The following BMI1 variants were observed in gnomAD, a reference collection of about 807,000 sequenced individuals.
BMI1 encodes the protein polycomb complex protein BMI-1.
Under a neutral mutation model 39.1 loss-of-function variants are expected in BMI1, and 9 were observed. The ratio of observed to expected loss-of-function variants is 0.23; its 90% CI spans 0.14 to 0.40. The LOEUF (loss-of-function observed/expected upper bound fraction) is 0.40, where lower values mean the gene tolerates loss of function less well. Among genes scored for constraint, BMI1 ranks in the 10% least tolerant of loss-of-function variants. The pLI is 1.00. For missense variants in BMI1, 252 were observed against 390.8 expected, an observed-to-expected ratio of 0.64 and a Z score of 2.99; for synonymous variants, 131 against 127.9, an observed-to-expected ratio of 1.02 and a Z score of -0.16.
At chr10:22,322,994 C>A (rs561883366) in intron 1 of BMI1, among the ~76,000 whole-genome samples, 1 of 152,090 alleles carries the variant, frequency 6.6e-6, no homozygotes, top group Non-Finnish European at 1.5e-5. Flanking sequence ...ATGTATTAAC[C>A]CCTTCCCTTA....
chr10:22,328,246 G>T (rs1437991756), intron 7 of BMI1, 67 bp downstream of exon 7: 21 of 1,525,980 alleles, frequency 1.4e-5, no homozygotes, highest in Non-Finnish European at 1.8e-5. Flanking sequence ...ATCAGGGATT[G>T]TGTTGCCCTT....
intron 1 of BMI1, among the ~76,000 whole-genome samples, 180 bp downstream of exon 1, chr10:22,321,876 GCCCCGCGCGCCGCCCT>G (rs1186815646): frequency 7.0e-6 from 1 of 142,724 alleles, no homozygotes; most frequent in African/African-American, 2.5e-5. Context: ...GCGCCTGCCG[GCCCCGCGCGCCGCCCT>G]CCCCGCGCCC....
At position 22,328,146 on chromosome 10, in the gene BMI1, A is replaced by G. The variant is rs751960379; in HGVS notation, c.438A>G (p.Lys146=). The G allele has an allele frequency of 6.2e-7, 1 of 1,601,692 alleles. No homozygotes were observed. Among genetic ancestry groups the G allele is most frequent in the Non-Finnish European group, 8.5e-7 (1 of 1,176,532 alleles). The change falls in exon 7 of 10, where the codon AAA becomes AAG. Residue 146 remains lysine, a synonymous_variant. Transcript: ENST00000376663. ...EFFDQNRLDR[K]VNKDKEKSKE... ...TTCTCTTTATTAGATTGGATCGGAA[A>G]GTAAACAAAGACAAAGAGAAATCTA...
chr10:22,327,468 A>G, intron 3 of BMI1, 127 bp from the exon 4 acceptor site: 1 of 947,136 alleles, frequency 1.1e-6, no homozygotes, highest in Admixed American at 3.0e-5. Flanking sequence ...TATCTTATCA[A>G]TAATAGTTAT....
In BMI1 at chr10:22,328,704, T is replaced by C. The variant is rs373673727; in HGVS notation, c.570+6T>C. On this transcript the variant is annotated splice_donor_region_variant and intron_variant, in intron 8 of 9. Coordinates refer to ENST00000376663, the MANE Select transcript of BMI1 (RefSeq NM_005180.9). ...ACATACCTAATACTTTCCAGGTATC[T>C]ACTTTTATATTCTTCTTGCATTTTA... The C allele has an allele frequency of 2.5e-5, 39 of 1,558,360 alleles. No homozygotes were observed. Among genetic ancestry groups the C allele is most frequent in the Non-Finnish European group, 3.1e-5 (36 of 1,157,722 alleles).
chr10:22,330,490 T>G lies in BMI1; in HGVS notation c.*948T>G, dbSNP rs1236525240. 2.0e-5 allele frequency: 3 copies of G among 152,298 alleles called. No individual in the cohort carries two copies. Among genetic ancestry groups the G allele is most frequent in the African/African-American group, 7.2e-5 (3 of 41,462 alleles). The allele number at this position is 152,298 out of a possible 1,614,324, so 9.4% of individuals were successfully genotyped here. A position where few individuals can be genotyped will look rare whatever the true frequency, so the allele number is the denominator to read the frequency against. On this transcript the variant is annotated 3_prime_UTR_variant, in exon 10 of 10. Coordinates refer to ENST00000376663, the MANE Select transcript of BMI1 (RefSeq NM_005180.9). ...CTATACTTTATATACTTTTCTCCAG[T>G]AATACATGTTTACTTTAAAGATTGT... is the stretch of plus-strand genomic sequence containing the variant.
chr10:22,328,991 A>C, intron 8 of BMI1, 57 bp from the exon 9 acceptor site: 9 of 1,498,460 alleles, frequency 6.0e-6, no homozygotes, highest in Non-Finnish European at 6.3e-6. Context: ...TTTAAATGAC[A>C]AAAAATGTAC....
At position 22,330,556 on chromosome 10, in the gene BMI1, G is replaced by A. The variant is rs551676229; in HGVS notation, c.*1014G>A. ...CCTTTAACTGAGAAATATGGAAACCGTCTTAATTTTCCATTGGCTATGATG... is the reference window on the plus strand; with the variant it reads ...CCTTTAACTGAGAAATATGGAAACCATCTTAATTTTCCATTGGCTATGATG... On this transcript the variant is annotated 3_prime_UTR_variant, in exon 10 of 10. Transcript: ENST00000376663. The A allele has an allele frequency of 6.6e-5, 10 of 152,228 alleles. No individual in the cohort carries two copies. Among genetic ancestry groups the A allele is most frequent in the African/African-American group, 1.7e-4 (7 of 41,550 alleles). 9.4% of individuals were successfully genotyped at this position (152,228 alleles called of 1,614,324 possible).
At chr10:22,328,788 A>G (rs1836219655) in intron 8 of BMI1, 90 bp downstream of exon 8, 24 of 1,356,556 alleles carry the variant, frequency 1.8e-5, no homozygotes, top group Non-Finnish European at 2.4e-5. Context: ...CAAAAAAGCA[A>G]TAGAAAAAAA....
chr10:22,327,692 A>G (rs754319725), intron 4 of BMI1, 42 bp downstream of exon 4: 4 of 1,613,090 alleles, frequency 2.5e-6, no homozygotes, highest in Non-Finnish European at 8.5e-7. Context: ...GAGATTATTC[A>G]TTAGTTCTTT....
In BMI1 at chr10:22,328,585, TA is replaced by T. The variant is rs753832435; in HGVS notation, c.472-12del. On this transcript the variant is annotated splice_polypyrimidine_tract_variant and intron_variant, in intron 7 of 9. Transcript: ENST00000376663. ...AAAGTAACTGAAAAAGTTACTTTTCTAAATGTACTTTTAGGTGAATGATAAA... is the reference window on the plus strand; with the variant it reads ...AAAGTAACTGAAAAAGTTACTTTTCTAATGTACTTTTAGGTGAATGATAAA... 3.2e-6 allele frequency: 5 copies of T among 1,581,508 alleles called. No individual in the cohort carries two copies. The highest frequency in any genetic ancestry group is 4.3e-6 in the Non-Finnish European group (5 of 1,169,146).
intron 1 of BMI1, among the ~76,000 whole-genome samples, chr10:22,323,172 G>C (rs1482758806): frequency 6.6e-6 from 1 of 152,172 alleles, no homozygotes. Flanking sequence ...GCAAATTATT[G>C]ACAGTATATA....
Position 22,329,267 on chromosome 10 carries a change from A to T in BMI1, c.706A>T (p.Ile236Phe). ...RVRPTCKRMK[I>F]SHQRDGLTNA... ...TCGACCTACTTGTAAAAGAATGAAGATCAGTCACCAGAGAGATGGACTGAC... is the reference window on the plus strand; with the variant it reads ...TCGACCTACTTGTAAAAGAATGAAGTTCAGTCACCAGAGAGATGGACTGAC... The change falls in exon 10 of 10, where the codon ATC becomes TTC. Residue 236 changes from isoleucine to phenylalanine, a missense_variant. Ile to Phe is a conservative substitution (Grantham distance 21, BLOSUM62 0). Around this residue, in one of 4 missense-constraint regions of BMI1, gnomAD observed 96 missense variants for 120.2 expected, o/e 0.80. Coordinates refer to ENST00000376663, the MANE Select transcript of BMI1 (RefSeq NM_005180.9). 1.2e-6 allele frequency: 2 copies of T among 1,614,172 alleles called. No individual in the cohort carries two copies. The highest frequency in any genetic ancestry group is 1.7e-6 in the Non-Finnish European group (2 of 1,180,022).
At chr10:22,327,055 T>A (rs1727578375) in intron 3 of BMI1, 69 bp downstream of exon 3, 1 of 1,529,352 alleles carries the variant, frequency 6.5e-7, no homozygotes, top group Non-Finnish European at 9.0e-7. Flanking sequence ...AAGGCAACCC[T>A]CTTTATTTCT....
chr10:22,326,782 T>C, intron 2 of BMI1, 108 bp from the exon 3 acceptor site: 1 of 1,413,182 alleles, frequency 7.1e-7, no homozygotes, highest in African/African-American at 1.4e-5. Flanking sequence ...CTTATTTAGT[T>C]GGAAATGCCT....
rs1389220881 is a variant in BMI1 at position 22,330,776 on chromosome 10, T to C, written c.*1234T>C. The C allele has an allele frequency of 6.6e-6, 1 of 152,624 alleles. No homozygotes were observed. Among genetic ancestry groups the C allele is most frequent in the Non-Finnish European group, 1.5e-5 (1 of 67,998 alleles). The allele number at this position is 152,624 out of a possible 1,614,324, so 9.5% of individuals were successfully genotyped here. A position where few individuals can be genotyped will look rare whatever the true frequency, so the allele number is the denominator to read the frequency against. ...ATGCCTTCTCTGCTATGTCTGAAAA[T>C]AGAAGCTATTTATTATGAGCTTCTA... On this transcript the variant is annotated 3_prime_UTR_variant, in exon 10 of 10. Coordinates refer to ENST00000376663, the MANE Select transcript of BMI1 (RefSeq NM_005180.9).
intron 1 of BMI1, among the ~76,000 whole-genome samples, chr10:22,324,242 TAG>T (rs1410201824): frequency 6.6e-6 from 1 of 152,240 alleles, no homozygotes; most frequent in Non-Finnish European, 1.5e-5. Flanking sequence ...GGTGGTTTTT[TAG>T]TGCAGTATGC....
At chr10:22,326,715 A>G (rs1836163244) in intron 2 of BMI1, 154 bp downstream of exon 2, 5 of 1,328,894 alleles carry the variant, frequency 3.8e-6, no homozygotes, top group Non-Finnish European at 5.1e-6. Context: ...CTTTTTGTTA[A>G]TATGTATTGA....
intron 3 of BMI1, among the ~76,000 whole-genome samples, chr10:22,327,317 A>G (rs1836180209): frequency 6.6e-6 from 1 of 152,118 alleles, no homozygotes; most frequent in Non-Finnish European, 1.5e-5. Context: ...TTTATTCCCT[A>G]TTCATATTAG....
Sources: gnomAD v4.1 joint callset for allele counts (sites outside exome capture counted in the v4.1 genomes callset) on GRCh38, gnomAD v4.1.1 for gene constraint, gnomAD v4.1.1 regional missense constraint, MANE v1.5 for transcripts, NCBI Gene and HGNC (gene_info 2026-07-23, HGNC 2026-07-21) for gene names.